SNTG1: variants seen among roughly 807,000 people sequenced by gnomAD.
The protein encoded by SNTG1 is gamma-1-syntrophin.
SNTG1 carries 39 observed loss-of-function variants against 74.7 expected under a neutral mutation model. That is an observed-to-expected ratio of 0.52 (90% CI 0.40 to 0.68). The LOEUF is 0.68. SNTG1 is among the 30% of genes least tolerant of loss of function. The pLI is 0.00. For missense variants in SNTG1, 685 were observed against 609.5 expected, an observed-to-expected ratio of 1.12 and a Z score of -1.30; for synonymous variants, 254 against 217.1, an observed-to-expected ratio of 1.17 and a Z score of -1.49.
intron 2 of SNTG1, among the ~76,000 whole-genome samples, chr8:50,250,315 A>G (rs918997512): frequency 6.6e-6 from 1 of 152,038 alleles, no homozygotes; most frequent in Non-Finnish European, 1.5e-5. Flanking sequence ...AAGAAAGCCT[A>G]TGTGATATAT....
intron 17 of SNTG1, among the ~76,000 whole-genome samples, chr8:50,739,650 G>C (rs1178319250): frequency 1.3e-5 from 2 of 151,738 alleles, no homozygotes; most frequent in Non-Finnish European, 1.5e-5. Context: ...AACCACCATG[G>C]CATGTGTATC....
chr8:50,487,397 A>C (rs2093805844), intron 8 of SNTG1, among the ~76,000 whole-genome samples: 1 of 152,218 alleles, frequency 6.6e-6, no homozygotes, highest in Non-Finnish European at 1.5e-5. Flanking sequence ...ACGTTTATTT[A>C]TTGTGGCATT....
rs1361133763 is a variant in SNTG1, at chr8:50,447,049, A to ATGTTG, written c.220-2617_220-2613dup. 5.9e-5 allele frequency among the ~76,000 whole-genome samples: 9 copies of ATGTTG among 152,292 alleles called. No individual in the cohort carries two copies. In the South Asian group the frequency reaches 1.9e-3, roughly 32 times the overall value. On this transcript the variant is annotated intron_variant, in intron 5 of 18. Coordinates refer to ENST00000642720, the MANE Select transcript of SNTG1 (RefSeq NM_018967.5). ...GAATGTGCTTCCTTTCTCTCACAAA[A>ATGTTG]TGTTGTATTGTACTGTACCCTGGAT...
intron 13 of SNTG1, among the ~76,000 whole-genome samples, chr8:50,597,182 G>T (rs2094733306): frequency 6.6e-6 from 1 of 151,468 alleles, no homozygotes. Flanking sequence ...GTCTTTCTAT[G>T]CATGGGTCAT....
chr8:50,429,052 T>G (rs2131510631), intron 4 of SNTG1, among the ~76,000 whole-genome samples: 1 of 150,090 alleles, frequency 6.7e-6, no homozygotes, highest in African/African-American at 2.5e-5. Flanking sequence ...ATATTATTGT[T>G]TATATTATCA....
At chr8:50,002,286 A>G (rs1047477913) in intron 1 of SNTG1, among the ~76,000 whole-genome samples, 3 of 151,920 alleles carry the variant, frequency 2.0e-5, no homozygotes, top group African/African-American at 7.3e-5. Flanking sequence ...AGTCCACTGT[A>G]TTTTTTTCTT....
chr8:50,765,388 C>T (rs920629591), intron 18 of SNTG1, among the ~76,000 whole-genome samples: 1 of 151,980 alleles, frequency 6.6e-6, no homozygotes, highest in African/African-American at 2.4e-5. Flanking sequence ...GGGCTGCCAG[C>T]CTCTCCACTA....
chr8:49,969,284 A>G (rs1295811809), intron 1 of SNTG1, among the ~76,000 whole-genome samples: 2 of 151,896 alleles, frequency 1.3e-5, no homozygotes, highest in African/African-American at 4.8e-5. Context: ...ATGCGAGGAA[A>G]CCTTGGATTT....
At chr8:50,501,428 T>G (rs13269494) in intron 8 of SNTG1, among the ~76,000 whole-genome samples, 21 of 74,516 alleles carry the variant, frequency 2.8e-4, no homozygotes, top group Admixed American at 1.3e-4. Context: ...CCTGTGCGTT[T>G]TTTTTTTTTT....
chr8:50,087,936 C>G lies in SNTG1; in HGVS notation c.-102-84625C>G, dbSNP rs757651402. Among the ~76,000 whole-genome samples, 1,133 of 114,608 alleles carry G rather than the reference C, an allele frequency of 9.9e-3. 6 individuals carry two copies. Among genetic ancestry groups the G allele is most frequent in the South Asian group, 0.021 (59 of 2,766 alleles). The allele number at this position is 114,608 out of a possible 152,430, so 75.2% of individuals were successfully genotyped here. A position where few individuals can be genotyped will look rare whatever the true frequency, so the allele number is the denominator to read the frequency against. ...CCCAATGTTATCCCTCCCCCCTCCC[C>G]CCACCCCACCACAGTCCCCAGAGTG... On this transcript the variant is annotated intron_variant, in intron 1 of 18. Transcript: ENST00000642720.
At chr8:50,305,552 GTGTC>G (rs1463339673) in intron 2 of SNTG1, among the ~76,000 whole-genome samples, 1 of 147,110 alleles carries the variant, frequency 6.8e-6, no homozygotes, top group Non-Finnish European at 1.5e-5. Context: ...GTGTGTGTGT[GTGTC>G]TGTATGTCTT....
At chr8:49,941,124 A>G (rs1486820951) in intron 1 of SNTG1, among the ~76,000 whole-genome samples, 1 of 152,102 alleles carries the variant, frequency 6.6e-6, no homozygotes, top group African/African-American at 2.4e-5. Context: ...AGCACTCTGC[A>G]TTCAAGCTCT....
intron 1 of SNTG1, among the ~76,000 whole-genome samples, chr8:50,155,933 G>A (rs868775414): frequency 2.8e-4 from 43 of 151,412 alleles, no homozygotes; most frequent in African/African-American, 1.0e-3. Flanking sequence ...CAATTTGTCA[G>A]AGCAACACCA....
At chr8:50,126,565 G>A (rs762019543) in intron 1 of SNTG1, among the ~76,000 whole-genome samples, 25 of 151,822 alleles carry the variant, frequency 1.6e-4, no homozygotes, top group Non-Finnish European at 3.4e-4. Flanking sequence ...ATTGGGACAT[G>A]TGTTTTATAT....
At chr8:50,714,215 A>T (rs767591211) in intron 17 of SNTG1, among the ~76,000 whole-genome samples, 7 of 152,034 alleles carry the variant, frequency 4.6e-5, no homozygotes, top group African/African-American at 7.3e-5. Context: ...GGTACCAGTA[A>T]CCATGCTGAC....
rs554082053 is a variant in SNTG1, at chr8:50,764,514, T to C, written c.1395+12403T>C. On this transcript the variant is annotated intron_variant, in intron 18 of 18. Coordinates refer to ENST00000642720, the MANE Select transcript of SNTG1 (RefSeq NM_018967.5). ...TAATAATGGCCAACATTTATGTACA[T>C]GTGAACCTATGAAGCAATGCTTAAC... Among the ~76,000 whole-genome samples, 21 of 152,028 alleles carry C rather than the reference T, an allele frequency of 1.4e-4. No individual in the cohort carries two copies. The East Asian group carries it at 3.5e-3, about 25-fold the overall frequency.
intron 17 of SNTG1, among the ~76,000 whole-genome samples, chr8:50,744,652 A>T (rs2095551184): frequency 6.6e-6 from 1 of 152,034 alleles, no homozygotes; most frequent in African/African-American, 2.4e-5. Flanking sequence ...TACAAAACTT[A>T]TTACAAAGCT....
intron 15 of SNTG1, among the ~76,000 whole-genome samples, chr8:50,672,690 A>G (rs2095290221): frequency 6.6e-6 from 1 of 152,176 alleles, no homozygotes; most frequent in Non-Finnish European, 1.5e-5. Flanking sequence ...CTTTAGTTTA[A>G]TTAGATCTCA....
intron 18 of SNTG1, among the ~76,000 whole-genome samples, chr8:50,768,931 G>C (rs1309799548): frequency 6.6e-6 from 1 of 152,004 alleles, no homozygotes; most frequent in Non-Finnish European, 1.5e-5. Context: ...TCAAACTAAT[G>C]ATTGAATTGA....
Sources: gnomAD v4.1 joint callset for allele counts (sites outside exome capture counted in the v4.1 genomes callset) on GRCh38, gnomAD v4.1.1 for gene constraint, MANE v1.5 for transcripts, NCBI Gene and HGNC (gene_info 2026-07-23, HGNC 2026-07-21) for gene names.